Variants in SLC66A1 observed in about 807,000 individuals in gnomAD.
SLC66A1 encodes the protein lysosomal amino acid transporter 1 homolog.
SLC66A1 carries 23 observed loss-of-function variants against 33.0 expected under a neutral mutation model. The observed-to-expected ratio is 0.70, with a 90% CI of 0.50 to 0.99. The LOEUF (loss-of-function observed/expected upper bound fraction) is 0.99. Ranked by LOEUF, SLC66A1 falls within the 50% of genes least tolerant of loss-of-function variation. SLC66A1 has a pLI of 0.00. For synonymous variants in SLC66A1, 164 were observed against 175.5 expected (o/e 0.93, Z 0.52); for missense variants, 335 against 383.6 (o/e 0.87, Z 1.06).
chr1:19,325,059 C>T (rs1036078801), intron 3 of SLC66A1, among the ~76,000 whole-genome samples: 2 of 152,232 alleles, frequency 1.3e-5, no homozygotes, highest in East Asian at 3.9e-4. Flanking sequence ...GGGTGGGCCC[C>T]TCGAGGAGAA....
At position 19,317,816 on chromosome 1, in the gene SLC66A1, C is replaced by G. The variant is rs1208024892; in HGVS notation, c.139C>G (p.Leu47Val). ...ASVGLGLISI[L>V]CFAASTFPQF... ...CGTGGGCCTGGGCTTGATCTCCATT[C>G]TCTGCTTTGCTGCATCTACCTTCCC... Residue 47 changes from leucine (L) to valine (V), a missense_variant, in exon 2 of 8, where the codon CTC becomes GTC. Transcript: ENST00000375153. The G allele has an allele frequency of 6.2e-7, 1 of 1,614,092 alleles. No homozygotes were observed. Among genetic ancestry groups the G allele is most frequent in the African/African-American group, 1.3e-5 (1 of 75,044 alleles).
Position 19,328,779 on chromosome 1 carries a change from C to T in SLC66A1, c.*136C>T, listed in dbSNP as rs2093883246. On this transcript the variant is annotated 3_prime_UTR_variant, in exon 8 of 8. Coordinates refer to ENST00000375153, the MANE Select transcript of SLC66A1 (RefSeq NM_001040125.2). The surrounding 1 kb of genome is among the most constrained non-coding windows in gnomAD (Gnocchi z 4.7). The stretch of plus-strand genomic sequence containing the variant: ...CTGGATCCTCCGTGGACCGAACCGT[C>T]CCCCCAGGAACACACCTTCAGGTAG... 4 of 941,486 alleles carry T rather than the reference C, an allele frequency of 4.2e-6. No homozygotes were observed. Among genetic ancestry groups the T allele is most frequent in the Admixed American group, 2.2e-5 (1 of 45,914 alleles). 58.3% of individuals were successfully genotyped at this position (941,486 alleles called of 1,614,324 possible). A position where few individuals can be genotyped will look rare whatever the true frequency, so the allele number is the denominator to read the frequency against.
In SLC66A1 at chr1:19,317,850, T is replaced by C; in HGVS notation, c.164+9T>C. On this transcript the variant is annotated intron_variant, in intron 2 of 7. Coordinates refer to ENST00000375153, the MANE Select transcript of SLC66A1 (RefSeq NM_001040125.2). ...GCTGCATCTACCTTCCCGTGAGTAG[T>C]GTCTTGGTGGCAGGACCAGGGCAGG... 6.2e-7 allele frequency: 1 copy of C among 1,611,910 alleles called. No individual in the cohort carries two copies. The highest frequency in any genetic ancestry group is 8.5e-7 in the Non-Finnish European group (1 of 1,178,560).
At chr1:19,334,203 A>G (rs2093898960), downstream of SLC66A1, among the ~76,000 whole-genome samples, 2 of 152,328 alleles carry the variant, frequency 1.3e-5, no homozygotes, top group Middle Eastern at 3.4e-3. Flanking sequence ...AGTACTCAGT[A>G]GGCGCTGAAT....
chr1:19,322,368 G>A (rs772449246), intron 2 of SLC66A1, among the ~76,000 whole-genome samples: 2 of 152,160 alleles, frequency 1.3e-5, no homozygotes, highest in Non-Finnish European at 2.9e-5. Context: ...GATGGAGAGA[G>A]GGTGGCTGCC....
intron 2 of SLC66A1, among the ~76,000 whole-genome samples, chr1:19,322,254 G>A (rs944134721): frequency 1.3e-5 from 2 of 152,100 alleles, no homozygotes; most frequent in African/African-American, 4.8e-5. Flanking sequence ...AGGGGTGAGA[G>A]CTTCCTCAGG....
intron 1 of SLC66A1, chr1:19,313,183 T>A: frequency 1.0e-6 from 1 of 985,336 alleles, no homozygotes; most frequent in Non-Finnish European, 1.2e-6. Flanking sequence ...CGAAGCTCAA[T>A]CACTTGAGTT....
intron 1 of SLC66A1, among the ~76,000 whole-genome samples, chr1:19,317,320 A>G (rs1451145708): frequency 2.0e-5 from 3 of 152,164 alleles, no homozygotes; most frequent in African/African-American, 7.2e-5. Context: ...TCTTTGCCCA[A>G]AGTCTAGCAT....
rs2093783784 is a variant in SLC66A1 at position 19,312,766 on chromosome 1, T to C, written c.-202T>C. Reference sequence around the variant, plus strand: ...GGGCTGAGTCACCAGGAGGGAGCTGTGGCCGAGGACGCCGAGGCCTGGAGT... The same window carrying C: ...GGGCTGAGTCACCAGGAGGGAGCTGCGGCCGAGGACGCCGAGGCCTGGAGT... On this transcript the variant is annotated 5_prime_UTR_variant, in exon 1 of 8. Transcript: ENST00000375153. 1 of 153,020 alleles carries C rather than the reference T, an allele frequency of 6.5e-6. No homozygotes were observed. The highest frequency in any genetic ancestry group is 2.4e-5 in the African/African-American group (1 of 41,468). 9.5% of individuals were successfully genotyped at this position (153,020 alleles called of 1,614,324 possible).
rs2093879760 is a variant in SLC66A1, at chr1:19,328,213, T to C, written c.805-359T>C. On this transcript the variant is annotated intron_variant, in intron 7 of 7. Coordinates refer to ENST00000375153, the MANE Select transcript of SLC66A1 (RefSeq NM_001040125.2). This position sits in a 1 kb window ranked among gnomAD's most constrained non-coding sequence, Gnocchi z 4.7. Reference sequence around the variant, plus strand: ...AGTCCCTGCCGGGCGCAGGGAGGGGTGAAAGTTTAGGCTCTTGTGCCCCAA... The same window carrying C: ...AGTCCCTGCCGGGCGCAGGGAGGGGCGAAAGTTTAGGCTCTTGTGCCCCAA... 4.9e-6 allele frequency: 2 copies of C among 404,422 alleles called. No individual in the cohort carries two copies. Among genetic ancestry groups the C allele is most frequent in the South Asian group, 5.3e-5 (2 of 37,908 alleles). 25.1% of individuals were successfully genotyped at this position (404,422 alleles called of 1,614,324 possible).
chr1:19,326,150 A>G, intron 4 of SLC66A1, 95 bp from the exon 5 acceptor site: 1 of 1,237,380 alleles, frequency 8.1e-7, no homozygotes, highest in Admixed American at 2.1e-5. Flanking sequence ...AAGGTCACAC[A>G]GCCCCTGAGG....
intron 2 of SLC66A1, among the ~76,000 whole-genome samples, chr1:19,324,199 C>T (rs996677758): frequency 6.6e-6 from 1 of 152,258 alleles, no homozygotes; most frequent in African/African-American, 2.4e-5. Context: ...CCCAGGCCTT[C>T]GGCCCGCACG....
chr1:19,319,885 AAG>A (rs1216998241), intron 2 of SLC66A1, among the ~76,000 whole-genome samples: 5 of 149,122 alleles, frequency 3.4e-5, no homozygotes, highest in Non-Finnish European at 7.4e-5. Context: ...CCTGGGGGAC[AAG>A]AGAGAGTCTC....
At chr1:19,316,718 G>T (rs996944523) in intron 1 of SLC66A1, among the ~76,000 whole-genome samples, 1 of 151,746 alleles carries the variant, frequency 6.6e-6, no homozygotes, top group East Asian at 1.9e-4. Flanking sequence ...CCAGGCTGGA[G>T]TGCATTGGTG....
Position 19,328,216 on chromosome 1 carries a change from A to G in SLC66A1, c.805-356A>G. ...CCCTGCCGGGCGCAGGGAGGGGTGA[A>G]AGTTTAGGCTCTTGTGCCCCAAAAC... On this transcript the variant is annotated intron_variant, in intron 7 of 7. Transcript: ENST00000375153. The surrounding 1 kb of genome is among the most constrained non-coding windows in gnomAD (Gnocchi z 4.7). The G allele has an allele frequency of 2.4e-6, 1 of 423,712 alleles. No homozygotes were observed. The highest frequency in any genetic ancestry group is 4.3e-6 in the Non-Finnish European group (1 of 231,180). The allele number at this position is 423,712 out of a possible 1,614,324, so 26.2% of individuals were successfully genotyped here.
intron 3 of SLC66A1, among the ~76,000 whole-genome samples, chr1:19,325,006 T>C (rs2093856333): frequency 1.3e-5 from 2 of 152,164 alleles, no homozygotes; most frequent in South Asian, 4.1e-4. Context: ...GGTTTCGGGG[T>C]CTTCCACCTC....
At chr1:19,332,326 C>T (rs938363766), downstream of SLC66A1, among the ~76,000 whole-genome samples, 2 of 152,190 alleles carry the variant, frequency 1.3e-5, no homozygotes, top group African/African-American at 4.8e-5. Flanking sequence ...CACTGTCTGC[C>T]TCAGAACATA....
At chr1:19,319,132 A>G (rs1426080669) in intron 2 of SLC66A1, among the ~76,000 whole-genome samples, 1 of 152,254 alleles carries the variant, frequency 6.6e-6, no homozygotes, top group Non-Finnish European at 1.5e-5. Context: ...TAACAGCTTT[A>G]TTGGGAGAGA....
At chr1:19,316,078 A>G (rs2093803484) in intron 1 of SLC66A1, among the ~76,000 whole-genome samples, 1 of 152,140 alleles carries the variant, frequency 6.6e-6, no homozygotes, top group African/African-American at 2.4e-5. Flanking sequence ...CACGCAGGCA[A>G]TGACTGCTCT....
Sources: allele counts gnomAD v4.1 joint callset (sites outside exome capture counted in the v4.1 genomes callset), GRCh38; gene constraint gnomAD v4.1.1; non-coding constraint Gnocchi (gnomAD v3.1); transcripts MANE v1.5; gene names NCBI Gene and HGNC (gene_info 2026-07-23, HGNC 2026-07-21).